The following PRKX variants were observed in gnomAD, a reference collection of about 807,000 sequenced individuals.
PRKX encodes protein kinase cAMP-dependent X-linked catalytic subunit.
In PRKX, 12 loss-of-function variants were observed where a neutral mutation model predicts 22.0. That is an observed-to-expected ratio of 0.54 (90% confidence interval 0.35 to 0.88). PRKX has a LOEUF of 0.88. Ranked by LOEUF, PRKX falls within the 40% of genes least tolerant of loss-of-function variation. The pLI is 0.01. For missense variants in PRKX, 217 were observed against 308.0 expected (o/e 0.70, Z 2.21); for synonymous variants, 134 against 137.7 (o/e 0.97, Z 0.19).
intron 1 of PRKX, among the ~76,000 whole-genome samples, chrX:3,691,778 G>A (rs1391585848): frequency 9.0e-6 from 1 of 111,575 alleles, no homozygotes; most frequent in African/African-American, 3.3e-5. Context: ...CATTGGCAGA[G>A]AATCTCTGCC....
intron 3 of PRKX, among the ~76,000 whole-genome samples, chrX:3,651,265 C>G (rs1283450474): frequency 6.2e-5 from 7 of 112,178 alleles, no homozygotes; most frequent in African/African-American, 2.3e-4. Flanking sequence ...ATAATTGCTG[C>G]ATGTTATATA....
At position 3,689,485 on chromosome X, in the gene PRKX, C is replaced by T. The variant is rs190072166; in HGVS notation, c.167-14719G>A. Among the ~76,000 whole-genome samples the T allele has an allele frequency of 2.8e-3, 310 of 111,906 alleles. 1 individual carries two copies. Among genetic ancestry groups the T allele is most frequent in the African/African-American group, 9.3e-3 (286 of 30,803 alleles). On this transcript the variant is annotated intron_variant, in intron 1 of 8. Transcript: ENST00000262848. ...ATCAGTTCAGGAGTCCTAGACCAGC[C>T]TGGGTAACATAACGAGACCCCGTCT...
At chrX:3,680,217 C>T (rs763673828) in intron 1 of PRKX, among the ~76,000 whole-genome samples, 9 of 110,678 alleles carry the variant, frequency 8.1e-5, no homozygotes, top group Non-Finnish European at 1.5e-4. Context: ...AATCTCAGTT[C>T]ACTGCAACCT....
At chrX:3,660,488 T>C (rs1222597551) in intron 2 of PRKX, among the ~76,000 whole-genome samples, 1 of 111,758 alleles carries the variant, frequency 8.9e-6, no homozygotes, top group African/African-American at 3.3e-5. Flanking sequence ...CACACACACA[T>C]ACAAACACAC....
At chrX:3,617,360 G>A (rs1215752144) in intron 6 of PRKX, among the ~76,000 whole-genome samples, 1 of 110,441 alleles carries the variant, frequency 9.1e-6, no homozygotes, top group African/African-American at 3.3e-5. Flanking sequence ...GTGTGTGTGA[G>A]GGGGGTGGGA....
intron 4 of PRKX, among the ~76,000 whole-genome samples, chrX:3,629,350 A>G (rs1471597108): frequency 3.7e-5 from 4 of 108,218 alleles, no homozygotes; most frequent in African/African-American, 1.3e-4. Flanking sequence ...GGCTCAAGCT[A>G]TGCTCCTACT....
At chrX:3,635,172 AAC>A (rs1370273321) in intron 4 of PRKX, among the ~76,000 whole-genome samples, 2 of 112,059 alleles carry the variant, frequency 1.8e-5, no homozygotes, top group African/African-American at 3.3e-5. Flanking sequence ...GGACAGCTGT[AAC>A]ACACAGAAAT....
intron 1 of PRKX, among the ~76,000 whole-genome samples, chrX:3,685,711 C>T (rs1928164880): frequency 9.2e-6 from 1 of 108,950 alleles, no homozygotes; most frequent in Admixed American, 1.0e-4. Context: ...ACTGACCCGC[C>T]TCCCCCAAGA....
chrX:3,705,991 CG>C (rs1411584536), intron 1 of PRKX, among the ~76,000 whole-genome samples: 1 of 78,951 alleles, frequency 1.3e-5, no homozygotes, highest in Non-Finnish European at 2.2e-5. Context: ...CGCACCCGGC[CG>C]GTTTTTCTTT....
At chrX:3,709,183 C>CAAAAAAAAAAA (rs35004174) in intron 1 of PRKX, among the ~76,000 whole-genome samples, 1 of 47,635 alleles carries the variant, frequency 2.1e-5, no homozygotes, top group African/African-American at 7.9e-5. Flanking sequence ...GACCCTGTCT[C>CAAAAAAAAAAA]AAAAAAAAAA....
rs1926308080 is a variant in PRKX, at chrX:3,612,129, G to A, written c.*23+48C>T. 7.1e-6 allele frequency: 8 copies of A among 1,119,875 alleles called. 1 individual carries two copies. The Admixed American group carries it at 1.7e-4, about 24-fold the overall frequency. 92.3% of individuals were successfully genotyped at this position (1,119,875 alleles called of 1,213,427 possible). ...TAAACGCAGCCTCACCTGGATGTGG[G>A]GTCGAGTCAGTCTCATTTTTTGGGA... On this transcript the variant is annotated intron_variant, in intron 8 of 8. Coordinates refer to ENST00000262848, the MANE Select transcript of PRKX (RefSeq NM_005044.5).
chrX:3,695,415 T>A (rs762059170), intron 1 of PRKX, among the ~76,000 whole-genome samples: 66 of 111,364 alleles, frequency 5.9e-4, no homozygotes, highest in African/African-American at 2.2e-3. Flanking sequence ...TTTGTTTTGC[T>A]TTTGTTTTTG....
At chrX:3,612,124 T>C in intron 8 of PRKX, 53 bp downstream of exon 8, 4 of 1,093,574 alleles carry the variant, frequency 3.7e-6, no homozygotes, top group Non-Finnish European at 4.9e-6. Context: ...CTCACCTGGA[T>C]GTGGGGTCGA....
intron 4 of PRKX, among the ~76,000 whole-genome samples, chrX:3,629,208 G>T (rs781033537): frequency 3.4e-4 from 37 of 110,098 alleles, no homozygotes; most frequent in Non-Finnish European, 5.9e-4. Flanking sequence ...GCACTATAAG[G>T]CATCCTCAAT....
At chrX:3,621,600 T>C (rs1926559322) in intron 5 of PRKX, among the ~76,000 whole-genome samples, 1 of 112,035 alleles carries the variant, frequency 8.9e-6, no homozygotes, top group African/African-American at 3.2e-5. Context: ...GAAATTTATA[T>C]GTGCCTGCAG....
chrX:3,645,548 T>A (rs1443988742), intron 3 of PRKX, among the ~76,000 whole-genome samples: 1 of 112,189 alleles, frequency 8.9e-6, no homozygotes, highest in Non-Finnish European at 1.9e-5. Flanking sequence ...AGTTCTCTTT[T>A]GGGATCGTGA....
In PRKX at chrX:3,638,442, A is replaced by C. The variant is rs1300411681; in HGVS notation, c.719+3410T>G. Among the ~76,000 whole-genome samples, 7 of 111,991 alleles carry C rather than the reference A, an allele frequency of 6.3e-5. No homozygotes were observed. The East Asian group carries it at 2.0e-3, about 31-fold the overall frequency. ...TTAAAACCATTAGACTACAGGATACAACGATCCTCAGGCAATGCTGCCCTC... is the reference window on the plus strand; with the variant it reads ...TTAAAACCATTAGACTACAGGATACCACGATCCTCAGGCAATGCTGCCCTC... On this transcript the variant is annotated intron_variant, in intron 4 of 8. Coordinates refer to ENST00000262848, the MANE Select transcript of PRKX (RefSeq NM_005044.5).
chrX:3,689,722 A>C (rs895581677), intron 1 of PRKX, among the ~76,000 whole-genome samples: 36 of 111,967 alleles, frequency 3.2e-4, no homozygotes, highest in Admixed American at 1.4e-3. Context: ...TCACACCTGT[A>C]ATCCCAACAC....
At chrX:3,631,450 GC>G (rs1435646994) in intron 4 of PRKX, among the ~76,000 whole-genome samples, 12 of 111,236 alleles carry the variant, frequency 1.1e-4, no homozygotes, top group East Asian at 2.9e-4. Context: ...GATGCCTGGA[GC>G]CCCCAGGAGC....
Sources: allele counts gnomAD v4.1 joint callset (sites outside exome capture counted in the v4.1 genomes callset), GRCh38; gene constraint gnomAD v4.1.1; transcripts MANE v1.5; gene names NCBI Gene and HGNC (gene_info 2026-07-23, HGNC 2026-07-21).